The following CTSB variants were observed in gnomAD, a reference collection of about 807,000 sequenced individuals.
The protein encoded by CTSB is cathepsin B.
In CTSB, 57 loss-of-function variants were observed where a neutral mutation model predicts 44.3. The observed-to-expected ratio is 1.29, with a 90% confidence interval of 1.04 to 1.60. The LOEUF is 1.60. Ranked by LOEUF, CTSB falls within the 40% of genes most tolerant of loss-of-function variation. CTSB has a pLI of 0.00. For missense variants in CTSB, 768 were observed against 443.0 expected (o/e 1.73, Z -6.59); for synonymous variants, 320 against 168.0 (o/e 1.91, Z -7.00).
At chr8:11,857,254 G>A (rs549745764) in intron 1 of CTSB, among the ~76,000 whole-genome samples, 2 of 152,272 alleles carry the variant, frequency 1.3e-5, no homozygotes, top group South Asian at 2.1e-4. Context: ...CTGGCTTCAA[G>A]GGATCTAACT....
intron 1 of CTSB, among the ~76,000 whole-genome samples, chr8:11,856,433 G>C (rs1815522040): frequency 6.6e-6 from 1 of 152,106 alleles, no homozygotes; most frequent in Non-Finnish European, 1.5e-5. Flanking sequence ...GACTAAGGTG[G>C]TGAAACCCTG....
rs1412895516 is a variant in CTSB, at chr8:11,843,581, C to T, written c.*1544G>A. On this transcript the variant is annotated 3_prime_UTR_variant, in exon 10 of 10. Transcript: ENST00000353047. Reference sequence around the variant, plus strand: ...ACCAGTGGCATACAAATTCAAAATACTGTATACAGGCCCTGACTCCAGCCC... The same window carrying T: ...ACCAGTGGCATACAAATTCAAAATATTGTATACAGGCCCTGACTCCAGCCC... 3.9e-5 allele frequency: 6 copies of T among 152,280 alleles called. No individual in the cohort carries two copies. The highest frequency in any genetic ancestry group is 3.9e-4 in the Admixed American group (6 of 15,294). 9.4% of individuals were successfully genotyped at this position (152,280 alleles called of 1,614,324 possible).
At position 11,845,236 on chromosome 8, in the gene CTSB, GT is replaced by G; in HGVS notation, c.923-15del. On this transcript the variant is annotated splice_polypyrimidine_tract_variant and intron_variant, in intron 9 of 9. Transcript: ENST00000353047. Reference sequence around the variant, plus strand: ...TTTTAAAGAAGCCTGGGAATAAAAAGTAAGGTGCTTTTAAAGTGTGACAAGG... The same window carrying G: ...TTTTAAAGAAGCCTGGGAATAAAAAGAAGGTGCTTTTAAAGTGTGACAAGG... 1 of 1,593,578 alleles carries G rather than the reference GT, an allele frequency of 6.3e-7. No individual in the cohort carries two copies. The highest frequency in any genetic ancestry group is 1.3e-5 in the African/African-American group (1 of 74,638).
chr8:11,852,615 G>A lies in CTSB; in HGVS notation c.207C>T (p.Pro69=), dbSNP rs766983965. ...CGTFLGGPKP[P]QRVMFTEDLK... ...GCAGAGGAGCAGGCACTCACCTCTG[G>A]GGTGGCTTGGGCCCACCCAGGAAGG... The change falls in exon 3 of 10, where the codon CCC becomes CCT. Residue 69 remains proline, a synonymous_variant. Coordinates refer to ENST00000353047, the MANE Select transcript of CTSB (RefSeq NM_001908.5). The A allele has an allele frequency of 6.2e-7, 1 of 1,613,154 alleles. No homozygotes were observed.
At chr8:11,854,168 C>T (rs1815109816) in intron 1 of CTSB, among the ~76,000 whole-genome samples, 1 of 152,164 alleles carries the variant, frequency 6.6e-6, no homozygotes, top group African/African-American at 2.4e-5. Flanking sequence ...AGTCACCCTC[C>T]TAAGTGAGCA....
chr8:11,863,898 A>T (rs143499175), intron 1 of CTSB, among the ~76,000 whole-genome samples: 2 of 152,326 alleles, frequency 1.3e-5, no homozygotes, highest in East Asian at 3.9e-4. Context: ...AACACACCTC[A>T]TGACCCAGAA....
intron 1 of CTSB, among the ~76,000 whole-genome samples, chr8:11,859,702 AG>A (rs1205654304): frequency 1.5e-5 from 2 of 132,104 alleles, no homozygotes; most frequent in Admixed American, 9.3e-5. Context: ...CAGGAAGCGG[AG>A]GTTGCAGTAA....
At chr8:11,854,490 C>A (rs1448488398) in intron 1 of CTSB, among the ~76,000 whole-genome samples, 1 of 139,726 alleles carries the variant, frequency 7.2e-6, no homozygotes, top group Non-Finnish European at 1.6e-5. Flanking sequence ...TGGAAAAAAG[C>A]TTTTTTTTTT....
chr8:11,858,027 C>G (rs1447846190), intron 1 of CTSB: 3 of 152,238 alleles, frequency 2.0e-5, no homozygotes, highest in Non-Finnish European at 4.4e-5. Context: ...AAATGGCACC[C>G]TTGGGGTCTG....
chr8:11,865,102 CA>C lies in CTSB; in HGVS notation c.-26+2898del, dbSNP rs564352577. On this transcript the variant is annotated intron_variant, in intron 1 of 9. Transcript: ENST00000353047. ...ACTGCTGCCTGCCACCCTGATATCC[CA>C]GAGGCACAGCACATCTGTACATGCC... Among the ~76,000 whole-genome samples the C allele has an allele frequency of 2.6e-5, 4 of 152,262 alleles. No homozygotes were observed. The South Asian group carries it at 8.3e-4, about 32-fold the overall frequency.
At position 11,845,219 on chromosome 8, in the gene CTSB, A is replaced by C; in HGVS notation, c.926T>G (p.Phe309Cys). Residue 309 changes from phenylalanine (F) to cysteine (C), a missense_variant, in exon 10 of 10, where the codon TTC becomes TGC. Coordinates refer to ENST00000353047, the MANE Select transcript of CTSB (RefSeq NM_001908.5). ...ATCCTGTCCTCTGAGTATTTTAAAG[A>C]AGCCTGGGAATAAAAAGTAAGGTGC... Reference protein sequence around the residue: ...SWNTDWGDNGFFKILRGQDHC... With the variant: ...SWNTDWGDNGCFKILRGQDHC... The C allele has an allele frequency of 1.2e-6, 2 of 1,611,342 alleles. No individual in the cohort carries two copies. The highest frequency in any genetic ancestry group is 1.1e-5 in the South Asian group (1 of 90,964).
At chr8:11,846,586 T>C (rs1276774439) in intron 8 of CTSB, among the ~76,000 whole-genome samples, 2 of 152,164 alleles carry the variant, frequency 1.3e-5, no homozygotes, top group Non-Finnish European at 2.9e-5. Flanking sequence ...TCCCTGTGTG[T>C]TCATCCACTG....
chr8:11,850,329 G>T (rs576570074), intron 4 of CTSB, among the ~76,000 whole-genome samples: 1 of 142,738 alleles, frequency 7.0e-6, no homozygotes, highest in Non-Finnish European at 1.5e-5. Context: ...TGAGGCAGGA[G>T]AATTGCTTGA....
At chr8:11,854,219 C>A (rs1815118179) in intron 1 of CTSB, among the ~76,000 whole-genome samples, 1 of 152,170 alleles carries the variant, frequency 6.6e-6, no homozygotes, top group Non-Finnish European at 1.5e-5. Context: ...CGCCTGCATC[C>A]AGGGCTGGGG....
intron 1 of CTSB, chr8:11,867,449 C>G (rs1817321895): frequency 6.6e-6 from 1 of 152,330 alleles, no homozygotes; most frequent in Non-Finnish European, 1.5e-5. Flanking sequence ...TGCCAGATTC[C>G]TGTTCTTCAA....
In CTSB at chr8:11,845,734, C is replaced by A. The variant is rs146909557; in HGVS notation, c.849G>T (p.Leu283=). The change falls in exon 9 of 10, where the codon CTG becomes CTT. Residue 283 remains leucine (L), a synonymous_variant. Transcript: ENST00000353047. ...EMMGGHAIRI[L]GWGVENGTPY... ...GTGTGCCATTCTCCACTCCCCAGCC[C>A]AGGATGCGGATGGCATGGCCACCCA... is the stretch of plus-strand genomic sequence containing the variant. 3.1e-6 allele frequency: 5 copies of A among 1,614,160 alleles called. No homozygotes were observed. The South Asian group carries it at 4.4e-5, about 14-fold the overall frequency.
intron 1 of CTSB, among the ~76,000 whole-genome samples, chr8:11,866,598 G>C (rs917540629): frequency 2.6e-5 from 4 of 152,224 alleles, no homozygotes; most frequent in African/African-American, 9.6e-5. Flanking sequence ...ACAGTTCTTG[G>C]CCAGGCACCG....
At chr8:11,866,030 AAAG>A (rs1271901805) in intron 1 of CTSB, among the ~76,000 whole-genome samples, 84 of 150,002 alleles carry the variant, frequency 5.6e-4, no homozygotes, top group African/African-American at 1.9e-3. Context: ...AAAAAAAAAA[AAAG>A]AAAGAAAAAG....
chr8:11,845,258 C>G lies in CTSB; in HGVS notation c.923-36G>C, dbSNP rs142249463. On this transcript the variant is annotated intron_variant, in intron 9 of 9. Transcript: ENST00000353047. Reference sequence around the variant, plus strand: ...AAAGTAAGGTGCTTTTAAAGTGTGACAAGGGTCAACCAATATAGTCAGACT... The same window carrying G: ...AAAGTAAGGTGCTTTTAAAGTGTGAGAAGGGTCAACCAATATAGTCAGACT... The G allele has an allele frequency of 2.0e-4, 295 of 1,487,148 alleles. 2 individuals are homozygous for G. The East Asian group carries it at 5.0e-3, about 25-fold the overall frequency. 92.1% of individuals were successfully genotyped at this position (1,487,148 alleles called of 1,614,324 possible).
Sources: gnomAD v4.1 joint callset for allele counts (sites outside exome capture counted in the v4.1 genomes callset) on GRCh38, gnomAD v4.1.1 for gene constraint, MANE v1.5 for transcripts, NCBI Gene and HGNC (gene_info 2026-07-23, HGNC 2026-07-21) for gene names.